Variants in PRR19 observed in about 807,000 individuals in gnomAD.
The protein encoded by PRR19 is proline rich 19.
PRR19 carries 9 observed loss-of-function variants against 19.2 expected under a neutral mutation model. That is an observed-to-expected ratio of 0.47 (90% CI 0.28 to 0.82). The LOEUF (loss-of-function observed/expected upper bound fraction) is 0.82, where lower values mean the gene tolerates loss of function less well. PRR19 is among the 40% of genes least tolerant of loss of function. The pLI is 0.11. For missense variants in PRR19, 457 were observed against 466.0 expected, an observed-to-expected ratio of 0.98 and a Z score of 0.18; for synonymous variants, 190 against 191.0, an observed-to-expected ratio of 0.99 and a Z score of 0.04.
intron 1 of PRR19, 73 bp downstream of exon 1, chr19:42,302,576 G>A (rs2038654568): frequency 4.5e-6 from 2 of 443,080 alleles, no homozygotes; most frequent in Admixed American, 4.1e-5. Context: ...TTCCCGCTCG[G>A]GCCGCTGACT....
At chr19:42,306,184 G>A (rs1425919999) in intron 1 of PRR19, among the ~76,000 whole-genome samples, 1 of 151,894 alleles carries the variant, frequency 6.6e-6, no homozygotes, top group Non-Finnish European at 1.5e-5. Flanking sequence ...ACTGCGCCCA[G>A]CTTATTTATT....
In PRR19 at chr19:42,310,703, C is replaced by T. The variant is rs747732962; in HGVS notation, c.1034C>T (p.Pro345Leu). Residue 345 changes from proline to leucine, a missense_variant, in exon 3 of 3, where the codon CCG (proline) becomes CTG (leucine). Pro to Leu is a moderately conservative substitution (Grantham distance 98). Transcript: ENST00000341747. ...TCCTGGGTAGTAGCCCAGAGCAGTCCGGAAGCCTGGTCTTTTCCACCCATG... is the reference window on the plus strand; with the variant it reads ...TCCTGGGTAGTAGCCCAGAGCAGTCTGGAAGCCTGGTCTTTTCCACCCATG... ...SLSWVVAQSS[P>L]EAWSFPPMRL... 9.5e-6 allele frequency: 15 copies of T among 1,574,800 alleles called. No homozygotes were observed. Among genetic ancestry groups the T allele is most frequent in the Admixed American group, 1.8e-5 (1 of 55,124 alleles).
chr19:42,304,703 T>C (rs964701175), intron 1 of PRR19, among the ~76,000 whole-genome samples: 5 of 128,384 alleles, frequency 3.9e-5, no homozygotes, highest in Admixed American at 9.3e-5. Flanking sequence ...TGAGCCGAGA[T>C]GGCACCAGTG....
intron 1 of PRR19, among the ~76,000 whole-genome samples, chr19:42,308,501 C>T (rs1343611505): frequency 1.3e-5 from 2 of 150,250 alleles, no homozygotes; most frequent in Non-Finnish European, 2.9e-5. Context: ...TGGGTTCAAG[C>T]GATTCTCCTG....
At position 42,310,453 on chromosome 19, in the gene PRR19, T is replaced by C; in HGVS notation, c.784T>C (p.Trp262Arg). The C allele has an allele frequency of 6.2e-7, 1 of 1,614,214 alleles. No homozygotes were observed. The highest frequency in any genetic ancestry group is 1.7e-5 in the Admixed American group (1 of 60,036). ...GAGTCTGGCACCGCCAAGAGGTCCC[T>C]GGCCACCATACTTTCCCTCACTGTC... Reference protein sequence around the residue: ...RGSLAPPRGPWPPYFPSLSSP... With the variant: ...RGSLAPPRGPRPPYFPSLSSP... Residue 262 changes from tryptophan to arginine, a missense_variant, in exon 3 of 3, where the codon TGG (tryptophan) becomes CGG (arginine). Transcript: ENST00000341747.
At chr19:42,305,262 C>T (rs140303134) in intron 1 of PRR19, among the ~76,000 whole-genome samples, 62 of 151,576 alleles carry the variant, frequency 4.1e-4, no homozygotes, top group Non-Finnish European at 7.8e-4. Flanking sequence ...ATTATGCCTT[C>T]AAGTCAGTGA....
chr19:42,303,067 GT>G (rs1568539696), intron 1 of PRR19, among the ~76,000 whole-genome samples: 72 of 118,712 alleles, frequency 6.1e-4, no homozygotes, highest in African/African-American at 1.1e-3. Flanking sequence ...CACCGTGGGT[GT>G]GTGTGTGTGT....
intron 1 of PRR19, among the ~76,000 whole-genome samples, chr19:42,306,294 C>T (rs2038705693): frequency 6.6e-6 from 1 of 152,250 alleles, no homozygotes; most frequent in Admixed American, 6.5e-5. Flanking sequence ...CTGCCTCAGC[C>T]TCCCGAGTAG....
intron 1 of PRR19, among the ~76,000 whole-genome samples, chr19:42,305,440 G>A (rs2038697800): frequency 2.0e-5 from 3 of 151,558 alleles, no homozygotes; most frequent in Non-Finnish European, 2.9e-5. Context: ...CACCACGCCC[G>A]GCTAATTTTT....
intron 1 of PRR19, 66 bp from the exon 2 acceptor site, chr19:42,309,513 C>G (rs1191474167): frequency 1.6e-6 from 2 of 1,270,190 alleles, no homozygotes; most frequent in South Asian, 3.0e-5. Flanking sequence ...CCAGCCCTCC[C>G]TATTCACTTT....
At chr19:42,308,390 CTTTT>C (rs774768445) in intron 1 of PRR19, among the ~76,000 whole-genome samples, 26 of 119,312 alleles carry the variant, frequency 2.2e-4, no homozygotes, top group South Asian at 2.7e-4. Flanking sequence ...CCGAATCCAG[CTTTT>C]TTTTTTTTTT....
intron 1 of PRR19, among the ~76,000 whole-genome samples, chr19:42,305,333 CAATGGCGCG>C (rs1453436047): frequency 1.3e-5 from 2 of 151,290 alleles, no homozygotes; most frequent in African/African-American, 4.9e-5. Context: ...GGCTGGACTG[CAATGGCGCG>C]ATCTCGGCTC....
In PRR19 at chr19:42,302,220, G is replaced by A. The variant is rs374198692; in HGVS notation, c.-290G>A. ...CCCCGGACTCCTCAATATCCCAGGT[G>A]GGAACGCTCACCAGGGACATCCAGC... On this transcript the variant is annotated 5_prime_UTR_variant, in exon 1 of 3. Coordinates refer to ENST00000341747, the MANE Select transcript of PRR19 (RefSeq NM_199285.3). 4.4e-6 allele frequency: 7 copies of A among 1,584,510 alleles called. 1 individual carries two copies. The African/African-American group carries it at 8.1e-5, about 18-fold the overall frequency.
rs2038780594 is a variant in PRR19 at position 42,310,465 on chromosome 19, T to C, written c.796T>C (p.Phe266Leu). The C allele has an allele frequency of 1.9e-6, 3 of 1,614,088 alleles. No homozygotes were observed. The highest frequency in any genetic ancestry group is 1.3e-5 in the African/African-American group (1 of 74,932). ...GCCAAGAGGTCCCTGGCCACCATAC[T>C]TTCCCTCACTGTCTTCGCCATCTGG... ...APPRGPWPPYFPSLSSPSGTA... is the reference protein window; with the variant it reads ...APPRGPWPPYLPSLSSPSGTA... Residue 266 changes from phenylalanine to leucine, a missense_variant, in exon 3 of 3, where the codon TTT becomes CTT. Transcript: ENST00000341747.
At chr19:42,306,664 G>A (rs1455340002) in intron 1 of PRR19, among the ~76,000 whole-genome samples, 1 of 152,142 alleles carries the variant, frequency 6.6e-6, no homozygotes, top group Non-Finnish European at 1.5e-5. Flanking sequence ...TGTGCATGGG[G>A]GCTACCATGA....
chr19:42,310,617 G>T lies in PRR19; in HGVS notation c.948G>T (p.Leu316=), dbSNP rs540821409. 2.2e-5 allele frequency: 36 copies of T among 1,613,994 alleles called. No individual in the cohort carries two copies. In the South Asian group the frequency reaches 4.0e-4, roughly 18 times the overall value. ...CCCTGCCTCAGCCTTCATCACCCCT[G>T]TTGCCCCGAACCTCTGTCCTGGACT... The part of the protein sequence containing the change: ...PQPLPQPSSP[L]LPRTSVLDWS... The change falls in exon 3 of 3, where the codon CTG becomes CTT. Residue 316 remains leucine (L), a synonymous_variant. Coordinates refer to ENST00000341747, the MANE Select transcript of PRR19 (RefSeq NM_199285.3).
In PRR19 at chr19:42,310,730, G is replaced by T; in HGVS notation, c.1061G>T (p.Arg354Ile). The T allele has an allele frequency of 6.4e-7, 1 of 1,551,900 alleles. No individual in the cohort carries two copies. Among genetic ancestry groups the T allele is most frequent in the Non-Finnish European group, 8.7e-7 (1 of 1,148,596 alleles). The change falls in exon 3 of 3, where the codon AGA becomes ATA. Residue 354 changes from arginine (R) to isoleucine (I), a missense_variant. Physicochemically the swap from Arg to Ile is moderately conservative, Grantham distance 97. Coordinates refer to ENST00000341747, the MANE Select transcript of PRR19 (RefSeq NM_199285.3). ...GAAGCCTGGTCTTTTCCACCCATGAGACTGTACTGAGGAGAGGCTGAGGCT... is the reference window on the plus strand; with the variant it reads ...GAAGCCTGGTCTTTTCCACCCATGATACTGTACTGAGGAGAGGCTGAGGCT... The part of the protein sequence containing the change: ...SPEAWSFPPM[R>I]LY
In PRR19 at chr19:42,302,407, C is replaced by A; in HGVS notation, c.-103C>A. 3 of 1,113,948 alleles carry A rather than the reference C, an allele frequency of 2.7e-6. No homozygotes were observed. The highest frequency in any genetic ancestry group is 2.5e-6 in the Non-Finnish European group (2 of 786,244). The allele number at this position is 1,113,948 out of a possible 1,614,324, so 69.0% of individuals were successfully genotyped here. On this transcript the variant is annotated 5_prime_UTR_variant, in exon 1 of 3. Transcript: ENST00000341747. ...CCACGCCCACTCCTACCCCTCGCGGCAACAAAGGACCGTCCCAACGCTAGC... is the reference window on the plus strand; with the variant it reads ...CCACGCCCACTCCTACCCCTCGCGGAAACAAAGGACCGTCCCAACGCTAGC...
chr19:42,309,884 C>G lies in PRR19; in HGVS notation c.300C>G (p.Pro100=). Residue 100 remains proline, a synonymous_variant, in exon 2 of 3, where the codon CCC becomes CCG. Transcript: ENST00000341747. ...GTGGGACCCTGGTGCCAGGCAGCCC[C>G]ACACTCCCCGCCAAGCCCTCCCCAA... ...LSSGTLVPGS[P]TLPAKPSPSP... is the part of the protein sequence containing the mutation. The G allele has an allele frequency of 6.2e-7, 1 of 1,614,000 alleles. No homozygotes were observed. Among genetic ancestry groups the G allele is most frequent in the Non-Finnish European group, 8.5e-7 (1 of 1,180,018 alleles).
Sources: gnomAD v4.1 joint callset for allele counts (sites outside exome capture counted in the v4.1 genomes callset) on GRCh38, gnomAD v4.1.1 for gene constraint, MANE v1.5 for transcripts, NCBI Gene and HGNC (gene_info 2026-07-23, HGNC 2026-07-21) for gene names.